DNAJC15: variants seen among roughly 807,000 people sequenced by gnomAD.
The protein encoded by DNAJC15 is dnaJ homolog subfamily C member 15.
DNAJC15 carries 27 observed loss-of-function variants against 22.4 expected under a neutral mutation model. The observed-to-expected ratio is 1.20, with a 90% CI of 0.89 to 1.66. The LOEUF (loss-of-function observed/expected upper bound fraction) is 1.66, where lower values mean the gene tolerates loss of function less well. DNAJC15 is among the 40% of genes most tolerant of loss of function. DNAJC15 has a pLI of 0.00. For missense variants in DNAJC15, 208 were observed against 187.1 expected, an observed-to-expected ratio of 1.11 and a Z score of -0.65; for synonymous variants, 79 against 63.2, an observed-to-expected ratio of 1.25 and a Z score of -1.19.
chr13:43,046,771 T>C (rs1482035680), intron 1 of DNAJC15, among the ~76,000 whole-genome samples: 1 of 152,202 alleles, frequency 6.6e-6, no homozygotes. Flanking sequence ...GCTGAGCTTT[T>C]GCTCGCTGTC....
chr13:43,035,116 A>G (rs116250160), intron 1 of DNAJC15, among the ~76,000 whole-genome samples: 128 of 152,310 alleles, frequency 8.4e-4, no homozygotes, highest in African/African-American at 2.5e-3. Flanking sequence ...CAGTCCATCA[A>G]GGACAGTAGA....
Position 43,051,634 on chromosome 13 carries a change from GGTGTGTGTGTGT to G in DNAJC15, c.109-14035_109-14024del, listed in dbSNP as rs57271276. Among the ~76,000 whole-genome samples the G allele has an allele frequency of 6.8e-3, 901 of 133,152 alleles. 10 individuals carry two copies. Among genetic ancestry groups the G allele is most frequent in the African/African-American group, 0.023 (834 of 36,642 alleles). The allele number at this position is 133,152 out of a possible 152,430, so 87.4% of individuals were successfully genotyped here. A position where few individuals can be genotyped will look rare whatever the true frequency, so the allele number is the denominator to read the frequency against. On this transcript the variant is annotated intron_variant, in intron 1 of 5. Coordinates refer to ENST00000379221, the MANE Select transcript of DNAJC15 (RefSeq NM_013238.3). ...TTTTTATGGCTGAGTAGTACTTCAT[GGTGTGTGTGTGT>G]GTGTGTGTGTGTGTGTATATATATC...
At chr13:43,080,701 T>C (rs2040657831) in intron 4 of DNAJC15, among the ~76,000 whole-genome samples, 1 of 152,248 alleles carries the variant, frequency 6.6e-6, no homozygotes, top group African/African-American at 2.4e-5. Flanking sequence ...AGAGTAATAA[T>C]ATTCTGCCTT....
At chr13:43,031,278 A>G (rs1176374714) in intron 1 of DNAJC15, among the ~76,000 whole-genome samples, 4 of 152,254 alleles carry the variant, frequency 2.6e-5, no homozygotes, top group Admixed American at 6.5e-5. Context: ...GAAGAAAAAT[A>G]GGGAAAGGTA....
chr13:43,031,924 T>G (rs1208969017), intron 1 of DNAJC15, among the ~76,000 whole-genome samples: 1 of 152,258 alleles, frequency 6.6e-6, no homozygotes, highest in East Asian at 1.9e-4. Flanking sequence ...AGGAATTGGC[T>G]TCATAGCTAG....
At chr13:43,078,312 T>G (rs1252861340) in intron 3 of DNAJC15, among the ~76,000 whole-genome samples, 1 of 152,236 alleles carries the variant, frequency 6.6e-6, no homozygotes, top group African/African-American at 2.4e-5. Flanking sequence ...AGAAAAGTAC[T>G]ACAGAGCTTA....
intron 5 of DNAJC15, among the ~76,000 whole-genome samples, chr13:43,086,803 T>C (rs575649216): frequency 6.6e-6 from 1 of 152,208 alleles, no homozygotes; most frequent in African/African-American, 2.4e-5. Flanking sequence ...GGCTATCTTA[T>C]GAGCAAGTAG....
intron 5 of DNAJC15, among the ~76,000 whole-genome samples, chr13:43,089,294 TCAA>T (rs1303744267): frequency 3.9e-5 from 6 of 152,196 alleles, no homozygotes; most frequent in African/African-American, 4.8e-5. Flanking sequence ...TAAGACAACT[TCAA>T]CAAGACAATT....
chr13:43,098,111 C>G (rs1209618651), intron 5 of DNAJC15, among the ~76,000 whole-genome samples: 1 of 152,118 alleles, frequency 6.6e-6, no homozygotes, highest in African/African-American at 2.4e-5. Context: ...TATGCAATAT[C>G]AAATACTTAA....
At chr13:43,026,431 A>T (rs1327934498) in intron 1 of DNAJC15, among the ~76,000 whole-genome samples, 1 of 152,194 alleles carries the variant, frequency 6.6e-6, no homozygotes, top group East Asian at 1.9e-4. Flanking sequence ...ATTATTGTGC[A>T]ACCAAACAGG....
At chr13:43,093,350 A>G (rs1398981379) in intron 5 of DNAJC15, among the ~76,000 whole-genome samples, 1 of 152,232 alleles carries the variant, frequency 6.6e-6, no homozygotes, top group Non-Finnish European at 1.5e-5. Flanking sequence ...TATGGATTCT[A>G]TCTGTGAGTA....
At chr13:43,032,056 C>T (rs957394241) in intron 1 of DNAJC15, among the ~76,000 whole-genome samples, 3 of 152,180 alleles carry the variant, frequency 2.0e-5, no homozygotes, top group Non-Finnish European at 4.4e-5. Context: ...TTCAAAACCA[C>T]TCTACATTAA....
In DNAJC15 at chr13:43,111,595, A is replaced by T. The variant is rs1388138276; in HGVS notation, c.*4347A>T. On this transcript the variant is annotated 3_prime_UTR_variant, in exon 6 of 6. Transcript: ENST00000379221. ...ATGAATCAGCCAGGCTCTTTACGTC[A>T]AGAATATGAAGTTTCTCTTGAGTCA... 1 of 152,190 alleles carries T rather than the reference A, an allele frequency of 6.6e-6. No homozygotes were observed. Among genetic ancestry groups the T allele is most frequent in the Admixed American group, 6.5e-5 (1 of 15,274 alleles). The allele number at this position is 152,190 out of a possible 1,614,324, so 9.4% of individuals were successfully genotyped here. A position where few individuals can be genotyped will look rare whatever the true frequency, so the allele number is the denominator to read the frequency against.
At chr13:43,051,089 C>T (rs2040500715) in intron 1 of DNAJC15, among the ~76,000 whole-genome samples, 1 of 152,180 alleles carries the variant, frequency 6.6e-6, no homozygotes. Context: ...ATTCTCCTGT[C>T]TCAGCCTCCC....
At chr13:43,026,374 T>C (rs2040380778) in intron 1 of DNAJC15, among the ~76,000 whole-genome samples, 1 of 152,240 alleles carries the variant, frequency 6.6e-6, no homozygotes, top group African/African-American at 2.4e-5. Flanking sequence ...TTAGGACTTC[T>C]ACGATCAATG....
At chr13:43,071,567 A>G (rs898852629) in intron 3 of DNAJC15, among the ~76,000 whole-genome samples, 1 of 152,232 alleles carries the variant, frequency 6.6e-6, no homozygotes, top group African/African-American at 2.4e-5. Flanking sequence ...GAGAAATGAA[A>G]TATGTGCATA....
chr13:43,040,214 C>G (rs1223034050), intron 1 of DNAJC15, among the ~76,000 whole-genome samples: 1 of 152,200 alleles, frequency 6.6e-6, no homozygotes, highest in East Asian at 1.9e-4. Flanking sequence ...CTAGACTTGA[C>G]ATGTGCCAGC....
chr13:43,057,303 T>A (rs1284900174), intron 1 of DNAJC15, among the ~76,000 whole-genome samples: 2 of 152,182 alleles, frequency 1.3e-5, no homozygotes, highest in South Asian at 2.1e-4. Flanking sequence ...TTCCTTTTTT[T>A]AAATTCTTTT....
chr13:43,033,189 G>A (rs1313992206), intron 1 of DNAJC15, among the ~76,000 whole-genome samples: 5 of 152,196 alleles, frequency 3.3e-5, no homozygotes, highest in Non-Finnish European at 1.5e-5. Flanking sequence ...AATTGAAAGT[G>A]AGATTTGCTG....
Sources: gnomAD v4.1 joint callset for allele counts (sites outside exome capture counted in the v4.1 genomes callset) on GRCh38, gnomAD v4.1.1 for gene constraint, MANE v1.5 for transcripts, NCBI Gene and HGNC (gene_info 2026-07-23, HGNC 2026-07-21) for gene names.